Variants in SCUBE1 observed in about 807,000 individuals in gnomAD.
The protein encoded by SCUBE1 is signal peptide, CUB domain and EGF like domain containing 1, also known as signal peptide, CUB and EGF-like domain-containing protein 1.
In SCUBE1, 59 loss-of-function variants were observed where a neutral mutation model predicts 124.4. The observed-to-expected ratio is 0.47, with a 90% confidence interval of 0.38 to 0.59. The LOEUF (loss-of-function observed/expected upper bound fraction) is 0.59, where lower values mean the gene tolerates loss of function less well. Among genes scored for constraint, SCUBE1 ranks in the 20% least tolerant of loss-of-function variants. The probability of loss-of-function intolerance (pLI) is 0.00; values close to 1 mark genes in which losing one functional copy is unlikely to be tolerated. For synonymous variants in SCUBE1, 545 were observed against 550.9 expected, an observed-to-expected ratio of 0.99 and a Z score of 0.15; for missense variants, 1,150 against 1,371.2, an observed-to-expected ratio of 0.84 and a Z score of 2.55.
intron 1 of SCUBE1, 79 bp downstream of exon 1, chr22:43,343,095 G>T: frequency 1.5e-6 from 1 of 665,704 alleles, no homozygotes; most frequent in Non-Finnish European, 2.0e-6. Flanking sequence ...GGATCCGCGG[G>T]GAAGAAGCCC....
At chr22:43,291,295 G>C (rs902497176) in intron 3 of SCUBE1, 115 bp from the exon 4 acceptor site, 8 of 1,167,406 alleles carry the variant, frequency 6.9e-6, no homozygotes, top group South Asian at 4.2e-5. Context: ...TGAAGGGAGG[G>C]ACTCCAGAGA....
chr22:43,303,114 G>C (rs149640861), intron 3 of SCUBE1, among the ~76,000 whole-genome samples: 1 of 152,238 alleles, frequency 6.6e-6, no homozygotes, highest in Admixed American at 6.5e-5. Context: ...CCTCGGTACC[G>C]TCGGAATTCT....
intron 21 of SCUBE1, among the ~76,000 whole-genome samples, chr22:43,206,532 C>T (rs2146649404): frequency 6.6e-6 from 1 of 152,176 alleles, no homozygotes; most frequent in East Asian, 1.9e-4. Context: ...GAAGGAGGGG[C>T]ACGCGGGACC....
intron 21 of SCUBE1, among the ~76,000 whole-genome samples, chr22:43,204,676 G>A (rs1424966515): frequency 1.3e-5 from 2 of 151,978 alleles, no homozygotes; most frequent in Non-Finnish European, 2.9e-5. Context: ...CAAGTGTGGT[G>A]GCTCACACCT....
intron 13 of SCUBE1, 24 bp from the exon 14 acceptor site, chr22:43,220,611 G>A: frequency 6.2e-7 from 1 of 1,609,224 alleles, no homozygotes; most frequent in Non-Finnish European, 8.5e-7. Context: ...GGACCACTGT[G>A]GCAAAGGCGG....
intron 4 of SCUBE1, chr22:43,281,951 T>G (rs1924931066): frequency 6.6e-6 from 1 of 152,464 alleles, no homozygotes; most frequent in South Asian, 2.1e-4. Flanking sequence ...CCACAGCTGC[T>G]GGGACGAGGA....
At chr22:43,238,643 TG>T (rs1312758221) in intron 7 of SCUBE1, 194 bp downstream of exon 7, 1 of 669,768 alleles carries the variant, frequency 1.5e-6, no homozygotes, top group African/African-American at 1.8e-5. Flanking sequence ...CGAACTCTGC[TG>T]GGGACCCTGC....
intron 4 of SCUBE1, among the ~76,000 whole-genome samples, chr22:43,273,235 T>A (rs1040139463): frequency 1.3e-5 from 2 of 152,292 alleles, no homozygotes; most frequent in Admixed American, 6.5e-5. Flanking sequence ...GGGACTGTGA[T>A]TGGCTCCTGG....
At chr22:43,291,510 G>A (rs1167770902) in intron 3 of SCUBE1, among the ~76,000 whole-genome samples, 1 of 136,678 alleles carries the variant, frequency 7.3e-6, no homozygotes, top group Non-Finnish European at 1.6e-5. Flanking sequence ...CCATTTTGCT[G>A]TGCTACAGTG....
intron 2 of SCUBE1, among the ~76,000 whole-genome samples, chr22:43,322,144 C>T (rs1213100549): frequency 2.6e-5 from 4 of 152,060 alleles, no homozygotes; most frequent in East Asian, 1.9e-4. Flanking sequence ...CCACCATGCC[C>T]GGCTAATTTT....
chr22:43,251,963 C>G (rs1057048831), intron 6 of SCUBE1, among the ~76,000 whole-genome samples: 1 of 152,202 alleles, frequency 6.6e-6, no homozygotes, highest in Non-Finnish European at 1.5e-5. Flanking sequence ...AGCTCCCATG[C>G]AGCACCCCAC....
intron 19 of SCUBE1, among the ~76,000 whole-genome samples, chr22:43,208,859 C>A (rs1383246518): frequency 6.6e-6 from 1 of 152,234 alleles, no homozygotes; most frequent in Non-Finnish European, 1.5e-5. Flanking sequence ...GGGAGCACCC[C>A]AGCCCTGCCC....
At chr22:43,217,728 G>T (rs934727111) in intron 15 of SCUBE1, among the ~76,000 whole-genome samples, 3 of 152,154 alleles carry the variant, frequency 2.0e-5, no homozygotes, top group Non-Finnish European at 4.4e-5. Context: ...TGCTGGTTCT[G>T]CCTGTCCTGC....
chr22:43,224,823 G>A (rs1922239698), intron 10 of SCUBE1, among the ~76,000 whole-genome samples: 1 of 152,150 alleles, frequency 6.6e-6, no homozygotes, highest in Admixed American at 6.5e-5. Context: ...ATCATGGGCT[G>A]GTTATGCCAA....
chr22:43,274,788 G>A (rs748646741), intron 4 of SCUBE1, among the ~76,000 whole-genome samples: 34 of 152,246 alleles, frequency 2.2e-4, no homozygotes, highest in Admixed American at 1.4e-3. Flanking sequence ...CAGAGCCACA[G>A]CCTGGGGCTG....
At chr22:43,246,569 T>C (rs959136591) in intron 6 of SCUBE1, among the ~76,000 whole-genome samples, 4 of 152,146 alleles carry the variant, frequency 2.6e-5, no homozygotes, top group East Asian at 1.9e-4. Context: ...GGGTGTAGGA[T>C]AGAGGGAACT....
At chr22:43,337,168 TGAA>T (rs1014883326) in intron 2 of SCUBE1, among the ~76,000 whole-genome samples, 3 of 152,134 alleles carry the variant, frequency 2.0e-5, no homozygotes, top group African/African-American at 7.2e-5. Context: ...GGTGAGAACA[TGAA>T]GCCTACAGAG....
intron 14 of SCUBE1, among the ~76,000 whole-genome samples, chr22:43,219,945 G>A (rs929409449): frequency 6.6e-6 from 1 of 151,730 alleles, no homozygotes; most frequent in Admixed American, 6.6e-5. Context: ...TTTCCACAGC[G>A]CCCAAGCCCA....
intron 4 of SCUBE1, among the ~76,000 whole-genome samples, chr22:43,281,513 C>CTTT (rs1924880085): frequency 7.8e-4 from 55 of 70,716 alleles, no homozygotes; most frequent in Non-Finnish European, 1.3e-3. Flanking sequence ...ACCTCCTCCT[C>CTTT]AGCCACCCTC....
Sources: gnomAD v4.1 joint callset for allele counts (sites outside exome capture counted in the v4.1 genomes callset) on GRCh38, gnomAD v4.1.1 for gene constraint, MANE v1.5 for transcripts, NCBI Gene and HGNC (gene_info 2026-07-23, HGNC 2026-07-21) for gene names.